Variants in SHB observed in about 807,000 individuals in gnomAD.
SHB encodes SH2 domain containing adaptor protein B.
In SHB, 20 loss-of-function variants were observed where a neutral mutation model predicts 52.3. That is an observed-to-expected ratio of 0.38 (90% CI 0.27 to 0.56). The LOEUF (loss-of-function observed/expected upper bound fraction) is 0.56. SHB is among the 20% of genes least tolerant of loss of function. The probability of loss-of-function intolerance (pLI) is 0.71; values close to 1 mark genes in which losing one functional copy is unlikely to be tolerated. For synonymous variants in SHB, 397 were observed against 316.5 expected, an observed-to-expected ratio of 1.25 and a Z score of -2.70; for missense variants, 825 against 723.3, an observed-to-expected ratio of 1.14 and a Z score of -1.61.
intron 5 of SHB, among the ~76,000 whole-genome samples, chr9:37,923,490 G>A (rs573448913): frequency 1.3e-5 from 2 of 152,298 alleles, no homozygotes; most frequent in East Asian, 1.9e-4. Flanking sequence ...GCCAATCCTC[G>A]ACCAATGCAA....
In SHB at chr9:37,985,142, C is replaced by G. The variant is rs1820789026; in HGVS notation, c.839-10305G>C. 1.3e-5 allele frequency among the ~76,000 whole-genome samples: 2 copies of G among 152,212 alleles called. 1 individual carries two copies. The highest frequency in any genetic ancestry group is 1.3e-4 in the Admixed American group (2 of 15,282). On this transcript the variant is annotated intron_variant, in intron 2 of 5. Coordinates refer to ENST00000377707, the MANE Select transcript of SHB (RefSeq NM_003028.3). ...CTGCGGAAGCAGGGCTGTGGGACAA[C>G]AATGGTCACCTTAGGAGCAGAGCAG...
At chr9:37,947,673 C>T (rs1003650825) in intron 5 of SHB, among the ~76,000 whole-genome samples, 5 of 152,232 alleles carry the variant, frequency 3.3e-5, no homozygotes, top group Admixed American at 1.3e-4. Flanking sequence ...AGGCCAGTTT[C>T]ACCTTCCTTG....
At chr9:38,058,134 C>T (rs1821844016) in intron 1 of SHB, among the ~76,000 whole-genome samples, 1 of 152,224 alleles carries the variant, frequency 6.6e-6, no homozygotes, top group Admixed American at 6.5e-5. Flanking sequence ...GTTCCCCTTC[C>T]AATCTCAGCC....
chr9:38,041,838 G>C (rs893442792), intron 1 of SHB, among the ~76,000 whole-genome samples: 1 of 152,172 alleles, frequency 6.6e-6, no homozygotes, highest in African/African-American at 2.4e-5. Context: ...CAAGCCTTCT[G>C]ATTGCCAAAA....
chr9:37,981,087 G>T (rs1820718865), intron 2 of SHB, among the ~76,000 whole-genome samples: 2 of 152,210 alleles, frequency 1.3e-5, no homozygotes, highest in Admixed American at 1.3e-4. Context: ...ATCACCAGCT[G>T]CATTAGTCCC....
intron 5 of SHB, among the ~76,000 whole-genome samples, chr9:37,940,402 G>C (rs1418895296): frequency 1.3e-5 from 2 of 152,240 alleles, no homozygotes; most frequent in African/African-American, 4.8e-5. Flanking sequence ...TTAGTCCTCT[G>C]CAAAGAGTGT....
rs191875429 is a variant in SHB, at chr9:37,973,359, G to A, written c.1054+1263C>T. ...CTGCCTCGGCCTCCTGAGTAGCTGA[G>A]ATTACAGTCATGTGCCACCACGCCC... On this transcript the variant is annotated intron_variant, in intron 3 of 5. Transcript: ENST00000377707. Among the ~76,000 whole-genome samples, 6 of 152,324 alleles carry A rather than the reference G, an allele frequency of 3.9e-5. No individual in the cohort carries two copies. In the East Asian group the frequency reaches 7.7e-4, roughly 20 times the overall value.
chr9:38,063,828 ATAT>A lies in SHB; in HGVS notation c.717+4098_717+4100del, dbSNP rs200165999. 4.3e-4 allele frequency among the ~76,000 whole-genome samples: 63 copies of A among 146,594 alleles called. No homozygotes were observed. The East Asian group carries it at 0.012, about 28-fold the overall frequency. On this transcript the variant is annotated intron_variant, in intron 1 of 5. Transcript: ENST00000377707. ...TTTTTTTTTTTTAAAGTTAGACATG[ATAT>A]TATTTATTCTGTAACTATGGAAAAA...
chr9:37,973,020 A>C (rs1183866905), intron 3 of SHB, among the ~76,000 whole-genome samples: 1 of 152,220 alleles, frequency 6.6e-6, no homozygotes, highest in Non-Finnish European at 1.5e-5. Context: ...AGATACCTAA[A>C]CATTGTTTGG....
At chr9:38,015,983 T>A in intron 2 of SHB, 28 bp downstream of exon 2, 1 of 1,612,178 alleles carries the variant, frequency 6.2e-7, no homozygotes, top group Non-Finnish European at 8.5e-7. Flanking sequence ...ACCCCAGCTG[T>A]GAGCCCCTGC....
At chr9:38,012,993 T>C (rs915914553) in intron 2 of SHB, among the ~76,000 whole-genome samples, 1 of 151,932 alleles carries the variant, frequency 6.6e-6, no homozygotes, top group Non-Finnish European at 1.5e-5. Flanking sequence ...TACGCACTGA[T>C]GGCTCATCCT....
chr9:37,959,250 C>T (rs1044193614), intron 3 of SHB, among the ~76,000 whole-genome samples: 4 of 152,052 alleles, frequency 2.6e-5, no homozygotes, highest in African/African-American at 9.7e-5. Flanking sequence ...AGGGTGATGC[C>T]CCCATTGGGA....
chr9:37,930,787 T>C (rs978478362), intron 5 of SHB, among the ~76,000 whole-genome samples: 1 of 152,074 alleles, frequency 6.6e-6, no homozygotes, highest in East Asian at 1.9e-4. Flanking sequence ...TGAGTAACCA[T>C]AAAAGACCCT....
chr9:37,971,550 C>G (rs1820590297), intron 3 of SHB, among the ~76,000 whole-genome samples: 1 of 152,202 alleles, frequency 6.6e-6, no homozygotes, highest in Non-Finnish European at 1.5e-5. Context: ...CTTCTATGCC[C>G]CAGGAAGCAG....
chr9:37,945,487 C>G (rs1832481377), intron 5 of SHB, among the ~76,000 whole-genome samples: 1 of 152,212 alleles, frequency 6.6e-6, no homozygotes. Flanking sequence ...CCATAGGATG[C>G]CCAGCCCAGC....
At chr9:38,013,536 G>A (rs1324489686) in intron 2 of SHB, among the ~76,000 whole-genome samples, 1 of 152,204 alleles carries the variant, frequency 6.6e-6, no homozygotes, top group African/African-American at 2.4e-5. Context: ...CCTGGGAGGC[G>A]AAGGTTGCAG....
intron 1 of SHB, among the ~76,000 whole-genome samples, chr9:38,018,326 C>T (rs966259410): frequency 6.6e-6 from 1 of 152,112 alleles, no homozygotes; most frequent in Non-Finnish European, 1.5e-5. Context: ...TCAGCAAGTG[C>T]TACCTATATT....
At chr9:37,942,059 T>C (rs188268400) in intron 5 of SHB, among the ~76,000 whole-genome samples, 151 of 152,332 alleles carry the variant, frequency 9.9e-4, no homozygotes, top group African/African-American at 3.2e-3. Flanking sequence ...AACTCTCTCC[T>C]TTGCTATATT....
chr9:38,016,243 C>T lies in SHB; in HGVS notation c.718-112G>A, dbSNP rs566555744. ...GATGAGCAAGGAGAGGCAGGGGAGG[C>T]AGGAACTAAAGCCGGCGCCCGGACT... On this transcript the variant is annotated intron_variant, in intron 1 of 5. Coordinates refer to ENST00000377707, the MANE Select transcript of SHB (RefSeq NM_003028.3). The T allele has an allele frequency of 2.6e-5, 32 of 1,215,246 alleles. No homozygotes were observed. In the South Asian group the frequency reaches 4.3e-4, roughly 16 times the overall value. The allele number at this position is 1,215,246 out of a possible 1,614,324, so 75.3% of individuals were successfully genotyped here.
Sources: gnomAD v4.1 joint callset for allele counts (sites outside exome capture counted in the v4.1 genomes callset) on GRCh38, gnomAD v4.1.1 for gene constraint, MANE v1.5 for transcripts, NCBI Gene and HGNC (gene_info 2026-07-23, HGNC 2026-07-21) for gene names.